The following AFAP1 variants were observed in gnomAD, a reference collection of about 807,000 sequenced individuals.
AFAP1 encodes actin filament associated protein 1.
In AFAP1, 75 loss-of-function variants were observed where a neutral mutation model predicts 93.9. That is an observed-to-expected ratio of 0.80 (90% CI 0.66 to 0.97). The LOEUF (loss-of-function observed/expected upper bound fraction) is 0.97, where lower values mean the gene tolerates loss of function less well. AFAP1 is among the 50% of genes least tolerant of loss of function. AFAP1 has a pLI of 0.00. For missense variants in AFAP1, 1,201 were observed against 1,050.8 expected (o/e 1.14, Z -1.98); for synonymous variants, 517 against 430.7 (o/e 1.20, Z -2.48).
At chr4:7,828,883 T>A (rs979939323) in intron 6 of AFAP1, among the ~76,000 whole-genome samples, 1 of 152,260 alleles carries the variant, frequency 6.6e-6, no homozygotes, top group South Asian at 2.1e-4. Flanking sequence ...GGTTTAGCTG[T>A]GTCCCCACCC....
intron 1 of AFAP1, 83 bp from the exon 2 acceptor site, chr4:7,872,163 T>C: frequency 6.5e-7 from 1 of 1,538,624 alleles, no homozygotes; most frequent in Non-Finnish European, 8.8e-7. Flanking sequence ...ACTCGAAGCA[T>C]TTCATGTTTA....
intron 1 of AFAP1, among the ~76,000 whole-genome samples, chr4:7,919,698 A>G (rs1176314889): frequency 6.6e-6 from 1 of 151,964 alleles, no homozygotes; most frequent in Non-Finnish European, 1.5e-5. Flanking sequence ...ACATAGGTAA[A>G]TGTGTGCCAT....
rs543352779 is a variant in AFAP1 at position 7,872,088 on chromosome 4, C to T, written c.-2-8G>A. 1.2e-6 allele frequency: 2 copies of T among 1,613,620 alleles called. No individual in the cohort carries two copies. The highest frequency in any genetic ancestry group is 2.2e-5 in the South Asian group (2 of 90,990). On this transcript the variant is annotated splice_region_variant and splice_polypyrimidine_tract_variant and intron_variant, in intron 1 of 17. Transcript: ENST00000420658. ...CTATTAACTCTTCCATTGCTGACAA[C>T]AAAAGAGGAAGAGTATTATTAGACC...
In AFAP1 at chr4:7,833,392, C is replaced by CA. The variant is rs570957853; in HGVS notation, c.726+5131dup. ...GTTATAGAAATGGCCAACAAACATA[C>CA]AAAAAAATGCTCAATATCACCAATG... On this transcript the variant is annotated intron_variant, in intron 6 of 17. Transcript: ENST00000420658. Among the ~76,000 whole-genome samples the CA allele has an allele frequency of 1.7e-4, 26 of 152,036 alleles. No individual in the cohort carries two copies. In the East Asian group the frequency reaches 1.7e-3, roughly 10 times the overall value.
intron 1 of AFAP1, among the ~76,000 whole-genome samples, chr4:7,918,721 T>TC (rs1720248669): frequency 1.2e-5 from 1 of 80,632 alleles, no homozygotes; most frequent in Non-Finnish European, 2.3e-5. Context: ...AACAGGGCTG[T>TC]GGATGAGACA....
At chr4:7,767,782 G>C (rs1156741740) in intron 17 of AFAP1, among the ~76,000 whole-genome samples, 1 of 152,188 alleles carries the variant, frequency 6.6e-6, no homozygotes, top group Non-Finnish European at 1.5e-5. Flanking sequence ...GGCTCCAAAA[G>C]CTGCAAAGAA....
intron 1 of AFAP1, among the ~76,000 whole-genome samples, chr4:7,931,348 T>C (rs1409213786): frequency 1.3e-5 from 2 of 152,202 alleles, no homozygotes; most frequent in Non-Finnish European, 2.9e-5. Context: ...TTAAACAAAA[T>C]CTGATACTTG....
intron 2 of AFAP1, among the ~76,000 whole-genome samples, chr4:7,870,163 A>G (rs1219743224): frequency 2.0e-5 from 3 of 152,214 alleles, no homozygotes; most frequent in Non-Finnish European, 4.4e-5. Flanking sequence ...AAGTATAAAA[A>G]GCTTAAGTAA....
chr4:7,785,686 C>T (rs1014808076), intron 12 of AFAP1, among the ~76,000 whole-genome samples: 1 of 152,170 alleles, frequency 6.6e-6, no homozygotes, highest in African/African-American at 2.4e-5. Flanking sequence ...TCTGTAATCC[C>T]AACACTTTGA....
intron 1 of AFAP1, among the ~76,000 whole-genome samples, chr4:7,921,278 G>C (rs1422789325): frequency 1.4e-5 from 2 of 141,962 alleles, no homozygotes; most frequent in Admixed American, 7.7e-5. Flanking sequence ...CTGCCTCCCA[G>C]GTTCTAGTGA....
intron 1 of AFAP1, among the ~76,000 whole-genome samples, chr4:7,884,877 G>A (rs1241240774): frequency 6.6e-6 from 1 of 152,114 alleles, no homozygotes; most frequent in Admixed American, 6.5e-5. Context: ...CATGGATTAC[G>A]GACTCCTATC....
In AFAP1 at chr4:7,763,751, G is replaced by C. The variant is rs1367312982; in HGVS notation, c.*14C>G. On this transcript the variant is annotated 3_prime_UTR_variant, in exon 18 of 18. Transcript: ENST00000420658. ...GGTGTGCAGTCTCTGAGGCTGGAGT[G>C]GTGCTGCTGTCCCCTAGGTCCCGTT... The C allele has an allele frequency of 1.2e-5, 18 of 1,551,500 alleles. No individual in the cohort carries two copies. Among genetic ancestry groups the C allele is most frequent in the Non-Finnish European group, 1.6e-5 (18 of 1,146,962 alleles).
At chr4:7,820,399 G>T (rs559691525) in intron 6 of AFAP1, among the ~76,000 whole-genome samples, 1 of 152,320 alleles carries the variant, frequency 6.6e-6, no homozygotes, top group East Asian at 1.9e-4. Flanking sequence ...GCCTTGGTCT[G>T]GATGAGTTTA....
At chr4:7,787,426 C>CT (rs764052082) in intron 11 of AFAP1, among the ~76,000 whole-genome samples, 3 of 152,212 alleles carry the variant, frequency 2.0e-5, no homozygotes, top group Non-Finnish European at 4.4e-5. Context: ...GTGGGAACCT[C>CT]CAACTCACAA....
At chr4:7,841,942 A>G (rs1713066160) in intron 5 of AFAP1, among the ~76,000 whole-genome samples, 4 of 152,122 alleles carry the variant, frequency 2.6e-5, no homozygotes, top group Admixed American at 2.6e-4. Flanking sequence ...CAGAACCCCA[A>G]ACTGCTAATC....
chr4:7,814,750 A>G (rs1289143164), intron 8 of AFAP1, among the ~76,000 whole-genome samples: 1 of 152,238 alleles, frequency 6.6e-6, no homozygotes, highest in East Asian at 1.9e-4. Context: ...GGCCTCGGGT[A>G]GAGGCAGAGG....
intron 4 of AFAP1, among the ~76,000 whole-genome samples, chr4:7,853,508 C>T (rs1714693535): frequency 6.6e-6 from 1 of 152,134 alleles, no homozygotes; most frequent in African/African-American, 2.4e-5. Flanking sequence ...GTCTGTCCCT[C>T]CTCTTCCCCA....
intron 3 of AFAP1, 38 bp from the exon 4 acceptor site, chr4:7,855,612 G>C: frequency 6.7e-7 from 1 of 1,484,500 alleles, no homozygotes; most frequent in African/African-American, 1.4e-5. Flanking sequence ...AAATTAGCAT[G>C]ACCATTAGAA....
chr4:7,841,700 C>G (rs114128271), intron 5 of AFAP1, among the ~76,000 whole-genome samples: 1 of 152,182 alleles, frequency 6.6e-6, no homozygotes, highest in Non-Finnish European at 1.5e-5. Context: ...AAAAAAGCTT[C>G]GTAATAAAAG....
Sources: allele counts gnomAD v4.1 joint callset (sites outside exome capture counted in the v4.1 genomes callset), GRCh38; gene constraint gnomAD v4.1.1; transcripts MANE v1.5; gene names NCBI Gene and HGNC (gene_info 2026-07-23, HGNC 2026-07-21).